Variants in FAM135A observed in about 807,000 individuals in gnomAD.
FAM135A encodes the protein protein FAM135A.
FAM135A carries 79 observed loss-of-function variants against 146.8 expected under a neutral mutation model. The observed-to-expected ratio is 0.54, with a 90% CI of 0.45 to 0.65. The LOEUF (loss-of-function observed/expected upper bound fraction) is 0.65, where lower values mean the gene tolerates loss of function less well. Among genes scored for constraint, FAM135A ranks in the 30% least tolerant of loss-of-function variants. The pLI is 0.00. For missense variants in FAM135A, 1,623 were observed against 1,758.2 expected (o/e 0.92, Z 1.38); for synonymous variants, 562 against 603.6 (o/e 0.93, Z 1.01).
chr6:70,440,502 C>A (rs543577423), intron 4 of FAM135A, among the ~76,000 whole-genome samples: 2 of 152,084 alleles, frequency 1.3e-5, no homozygotes, highest in African/African-American at 4.8e-5. Context: ...GCCTGGCCAA[C>A]ATGGTGAAAC....
At chr6:70,519,675 A>G (rs528068448) in intron 12 of FAM135A, among the ~76,000 whole-genome samples, 2 of 152,256 alleles carry the variant, frequency 1.3e-5, no homozygotes, top group East Asian at 1.9e-4. Context: ...ATTTTTAACA[A>G]TAAAATATTT....
In FAM135A at chr6:70,559,977, ATGTAT is replaced by A. The variant is rs1801646845; in HGVS notation, c.*58_*62del. 7.5e-7 allele frequency: 1 copy of A among 1,328,252 alleles called. No homozygotes were observed. The highest frequency in any genetic ancestry group is 2.0e-5 in the Admixed American group (1 of 49,050). 82.3% of individuals were successfully genotyped at this position (1,328,252 alleles called of 1,614,324 possible). A position where few individuals can be genotyped will look rare whatever the true frequency, so the allele number is the denominator to read the frequency against. On this transcript the variant is annotated 3_prime_UTR_variant, in exon 22 of 22. Coordinates refer to ENST00000418814, the MANE Select transcript of FAM135A (RefSeq NM_001162529.3). Reference sequence around the variant, plus strand: ...ACCTCATTCAACAATGTTTCAAATAATGTATTATATTAAAATGTAGATGCTGATAA... The same window carrying A: ...ACCTCATTCAACAATGTTTCAAATAATATATTAAAATGTAGATGCTGATAA...
Position 70,475,400 on chromosome 6 carries a change from T to C in FAM135A, c.158-10T>C, listed in dbSNP as rs200399767. On this transcript the variant is annotated splice_polypyrimidine_tract_variant and intron_variant, in intron 5 of 21. Coordinates refer to ENST00000418814, the MANE Select transcript of FAM135A (RefSeq NM_001162529.3). ...TTTTATCTGTCAATTACATATCTTATCTGTTTTAGGTATGACTTTAGCCTT... is the reference window on the plus strand; with the variant it reads ...TTTTATCTGTCAATTACATATCTTACCTGTTTTAGGTATGACTTTAGCCTT... The C allele has an allele frequency of 9.0e-6, 14 of 1,554,194 alleles. No homozygotes were observed. The highest frequency in any genetic ancestry group is 1.2e-5 in the Non-Finnish European group (14 of 1,153,028).
intron 5 of FAM135A, among the ~76,000 whole-genome samples, chr6:70,474,846 C>T (rs551622583): frequency 1.3e-5 from 2 of 152,142 alleles, no homozygotes; most frequent in African/African-American, 2.4e-5. Context: ...AGCTATTCTC[C>T]CCTCTCTGGA....
intron 4 of FAM135A, among the ~76,000 whole-genome samples, chr6:70,451,966 G>A (rs9455116): frequency 0.021 from 3,208 of 150,620 alleles, 106 homozygotes; most frequent in African/African-American, 0.074. Flanking sequence ...ATATATGTAT[G>A]CTATTTCAAA....
chr6:70,503,969 T>G (rs1008913481), intron 12 of FAM135A: 1 of 152,240 alleles, frequency 6.6e-6, no homozygotes, highest in Non-Finnish European at 1.5e-5. Flanking sequence ...TATGTATATG[T>G]CCTGGCATAC....
In FAM135A at chr6:70,525,953, T is replaced by TTG. The variant is rs746663712; in HGVS notation, c.2869_2870insTG (p.Ser957LeufsTer12). ...TAAAGGCTTCCAGAGTCCTGATAAATCTAATAACTCTACAGGGACAGCAAT... is the reference window on the plus strand; with the variant it reads ...TAAAGGCTTCCAGAGTCCTGATAAATTGCTAATAACTCTACAGGGACAGCAAT... On this transcript the variant is annotated frameshift_variant, in exon 15 of 22. Coordinates refer to ENST00000418814, the MANE Select transcript of FAM135A (RefSeq NM_001162529.3). LOFTEE classifies it high-confidence loss of function. 1 of 1,613,422 alleles carries TTG rather than the reference T, an allele frequency of 6.2e-7. No individual in the cohort carries two copies. Among genetic ancestry groups the TTG allele is most frequent in the Admixed American group, 1.7e-5 (1 of 59,950 alleles).
intron 4 of FAM135A, among the ~76,000 whole-genome samples, chr6:70,429,138 A>G (rs529559992): frequency 1.3e-5 from 2 of 152,208 alleles, no homozygotes; most frequent in Non-Finnish European, 2.9e-5. Context: ...GTGAAAGATC[A>G]TATTTGTAGA....
At chr6:70,423,270 G>T (rs1184542160) in intron 2 of FAM135A, among the ~76,000 whole-genome samples, 1 of 152,198 alleles carries the variant, frequency 6.6e-6, no homozygotes, top group Non-Finnish European at 1.5e-5. Flanking sequence ...CCATTTTAAG[G>T]CAGTAAGATT....
intron 4 of FAM135A, among the ~76,000 whole-genome samples, chr6:70,438,963 C>A (rs1773843467): frequency 1.3e-5 from 2 of 152,068 alleles, no homozygotes; most frequent in African/African-American, 2.4e-5. Context: ...TTGAGACCAG[C>A]CTGGGCAACA....
intron 12 of FAM135A, among the ~76,000 whole-genome samples, chr6:70,512,472 C>G (rs1561944426): frequency 6.6e-6 from 1 of 151,644 alleles, no homozygotes; most frequent in African/African-American, 2.4e-5. Context: ...GTTTTAAACT[C>G]CTAACATTAA....
At chr6:70,449,485 T>A (rs931035949) in intron 4 of FAM135A, among the ~76,000 whole-genome samples, 1 of 152,200 alleles carries the variant, frequency 6.6e-6, no homozygotes, top group Non-Finnish European at 1.5e-5. Context: ...ATTCTACATG[T>A]AAGTGACATT....
intron 4 of FAM135A, among the ~76,000 whole-genome samples, chr6:70,433,251 T>C (rs1331203651): frequency 6.6e-6 from 1 of 152,108 alleles, no homozygotes; most frequent in Non-Finnish European, 1.5e-5. Flanking sequence ...ATTTTTTGTA[T>C]TTTTATTAAA....
chr6:70,425,382 A>C (rs987477840), intron 2 of FAM135A, among the ~76,000 whole-genome samples: 8 of 152,222 alleles, frequency 5.3e-5, no homozygotes, highest in Non-Finnish European at 1.2e-4. Flanking sequence ...TATCTTCGAC[A>C]TCATTTCCAC....
At chr6:70,436,359 C>A (rs1378391481) in intron 4 of FAM135A, among the ~76,000 whole-genome samples, 1 of 152,120 alleles carries the variant, frequency 6.6e-6, no homozygotes, top group Non-Finnish European at 1.5e-5. Flanking sequence ...ATTGGTTTCT[C>A]AGTTTTAAGA....
chr6:70,553,884 A>G (rs1160039259), intron 20 of FAM135A, among the ~76,000 whole-genome samples: 3 of 152,344 alleles, frequency 2.0e-5, no homozygotes, highest in East Asian at 3.9e-4. Context: ...AAGCAAGCCA[A>G]ACTTGATGTT....
At chr6:70,444,617 T>C (rs1775305094) in intron 4 of FAM135A, among the ~76,000 whole-genome samples, 2 of 152,094 alleles carry the variant, frequency 1.3e-5, no homozygotes, top group Admixed American at 1.3e-4. Context: ...ATTTTATATC[T>C]TTTAAAGTAG....
chr6:70,545,916 A>G (rs937933859), intron 20 of FAM135A, among the ~76,000 whole-genome samples: 10 of 152,200 alleles, frequency 6.6e-5, no homozygotes, highest in Non-Finnish European at 1.5e-4. Flanking sequence ...AATAATATAC[A>G]TTTTCAGGAA....
rs1408932139 is a variant in FAM135A at position 70,526,798 on chromosome 6, C to CATAT, written c.3614+101_3614+102insTATA. 1.2e-5 allele frequency: 9 copies of CATAT among 762,486 alleles called. No homozygotes were observed. The African/African-American group carries it at 1.3e-4, about 11-fold the overall frequency. The allele number at this position is 762,486 out of a possible 1,614,324, so 47.2% of individuals were successfully genotyped here. A position where few individuals can be genotyped will look rare whatever the true frequency, so the allele number is the denominator to read the frequency against. ...ACACACACACACACACACACACACA[C>CATAT]ACACATATATATATAAAATCATAGA... is the stretch of plus-strand genomic sequence containing the variant. On this transcript the variant is annotated intron_variant, in intron 15 of 21. Coordinates refer to ENST00000418814, the MANE Select transcript of FAM135A (RefSeq NM_001162529.3).
Sources: allele counts gnomAD v4.1 joint callset (sites outside exome capture counted in the v4.1 genomes callset), GRCh38; gene constraint gnomAD v4.1.1; transcripts MANE v1.5; gene names NCBI Gene and HGNC (gene_info 2026-07-23, HGNC 2026-07-21).